The following WWOX variants were observed in gnomAD, a reference collection of about 807,000 sequenced individuals.
The protein encoded by WWOX is WW domain containing oxidoreductase.
In WWOX, 69 loss-of-function variants were observed where a neutral mutation model predicts 46.2. That is an observed-to-expected ratio of 1.49 (90% confidence interval 1.23 to 1.82). The LOEUF (loss-of-function observed/expected upper bound fraction) is 1.82, where lower values mean the gene tolerates loss of function less well. Among genes scored for constraint, WWOX ranks in the 40% most tolerant of loss-of-function variants. WWOX has a pLI of 0.00. For missense variants in WWOX, 919 were observed against 542.6 expected, an observed-to-expected ratio of 1.69 and a Z score of -6.89; for synonymous variants, 359 against 202.6, an observed-to-expected ratio of 1.77 and a Z score of -6.56.
At chr16:79,011,608 T>G (rs1432415852) in intron 8 of WWOX, among the ~76,000 whole-genome samples, 1 of 151,490 alleles carries the variant, frequency 6.6e-6, no homozygotes, top group African/African-American at 2.4e-5. Flanking sequence ...TCCTCCCACT[T>G]CAGCCTCCCA....
In WWOX at chr16:78,400,094, C is replaced by T. The variant is rs573392525; in HGVS notation, c.605+13146C>T. ...ACCTTGTCATTCAGAAAAACATAAACGGGACCTCTCAATTAGCGGTAAAGT... is the reference window on the plus strand; with the variant it reads ...ACCTTGTCATTCAGAAAAACATAAATGGGACCTCTCAATTAGCGGTAAAGT... On this transcript the variant is annotated intron_variant, in intron 6 of 8. Transcript: ENST00000566780. Among the ~76,000 whole-genome samples, 8 of 152,228 alleles carry T rather than the reference C, an allele frequency of 5.3e-5. No homozygotes were observed. The South Asian group carries it at 6.2e-4, about 12-fold the overall frequency.
At chr16:78,573,956 C>A (rs531677041) in intron 8 of WWOX, among the ~76,000 whole-genome samples, 23 of 152,310 alleles carry the variant, frequency 1.5e-4, no homozygotes, top group Admixed American at 8.5e-4. Flanking sequence ...CACAAAGTTG[C>A]AATCATATAT....
intron 8 of WWOX, among the ~76,000 whole-genome samples, chr16:78,749,520 A>T (rs1481690453): frequency 6.6e-6 from 1 of 152,140 alleles, no homozygotes. Flanking sequence ...TGTTGTTGTT[A>T]CAATTGTTGT....
At position 78,099,891 on chromosome 16, in the gene WWOX, G is replaced by A. The variant is rs1276657647; in HGVS notation, c.107+6G>A. 6.4e-6 allele frequency: 10 copies of A among 1,559,142 alleles called. No homozygotes were observed. The highest frequency in any genetic ancestry group is 8.7e-6 in the Non-Finnish European group (10 of 1,152,558). On this transcript the variant is annotated splice_donor_region_variant and intron_variant, in intron 1 of 8. Transcript: ENST00000566780. ...GGCTGGGTTTACTACGCCAAGTAAG[G>A]GGGCCGCAGTGGGGCCGCGGACGCA...
rs1412049293 is a variant in WWOX, at chr16:78,411,321, G to A, written c.606-13549G>A. 2.6e-5 allele frequency among the ~76,000 whole-genome samples: 4 copies of A among 152,076 alleles called. No individual in the cohort carries two copies. The East Asian group carries it at 7.7e-4, about 29-fold the overall frequency. On this transcript the variant is annotated intron_variant, in intron 6 of 8. Coordinates refer to ENST00000566780, the MANE Select transcript of WWOX (RefSeq NM_016373.4). Reference sequence around the variant, plus strand: ...TTAATGTTGAGTAATATGCCATTGTGTGTTTATATATTGCTAATGGATTTT... The same window carrying A: ...TTAATGTTGAGTAATATGCCATTGTATGTTTATATATTGCTAATGGATTTT...
rs188752440 is a variant in WWOX, at chr16:79,153,689, T to G, written c.1057-57919T>G. Among the ~76,000 whole-genome samples the G allele has an allele frequency of 6.1e-4, 93 of 152,302 alleles. 1 individual carries two copies. The highest frequency in any genetic ancestry group is 2.1e-3 in the African/African-American group (89 of 41,568). ...AAGGCCTTAATCTCATTGTACATAC[T>G]TTTCTATTCCTCCCAGTACCATTTA... is the stretch of plus-strand genomic sequence containing the variant. On this transcript the variant is annotated intron_variant, in intron 8 of 8. Coordinates refer to ENST00000566780, the MANE Select transcript of WWOX (RefSeq NM_016373.4).
chr16:78,523,814 C>G (rs1277416182), intron 8 of WWOX, among the ~76,000 whole-genome samples: 1 of 152,208 alleles, frequency 6.6e-6, no homozygotes, highest in African/African-American at 2.4e-5. Context: ...CTCACACACT[C>G]CCTTTAGGAG....
At chr16:78,445,062 G>A (rs1461774397) in intron 8 of WWOX, among the ~76,000 whole-genome samples, 1 of 151,912 alleles carries the variant, frequency 6.6e-6, no homozygotes, top group Non-Finnish European at 1.5e-5. Flanking sequence ...ATCGTGTAGT[G>A]AGCCAGGTGA....
chr16:78,529,414 T>G (rs2043564321), intron 8 of WWOX, among the ~76,000 whole-genome samples: 1 of 152,154 alleles, frequency 6.6e-6, no homozygotes, highest in Non-Finnish European at 1.5e-5. Flanking sequence ...GTTGGTGGTT[T>G]TCTTTCTGTC....
chr16:78,318,860 C>T (rs11866209), intron 5 of WWOX, among the ~76,000 whole-genome samples: 9,182 of 152,238 alleles, frequency 0.06, 465 homozygotes, highest in South Asian at 0.18. Flanking sequence ...AACCAGGAAA[C>T]ATGCCTGGGT....
intron 8 of WWOX, among the ~76,000 whole-genome samples, chr16:78,800,147 T>C (rs974735525): frequency 1.1e-4 from 16 of 152,056 alleles, no homozygotes; most frequent in African/African-American, 3.4e-4. Context: ...GGTTAGAATA[T>C]CTTCAATGCA....
At chr16:78,686,467 T>G (rs991091800) in intron 8 of WWOX, among the ~76,000 whole-genome samples, 1 of 151,026 alleles carries the variant, frequency 6.6e-6, no homozygotes. Context: ...GCAGAGATGG[T>G]GCCACTGTAC....
intron 8 of WWOX, among the ~76,000 whole-genome samples, chr16:78,678,752 G>T (rs1028388626): frequency 2.1e-4 from 32 of 152,136 alleles, no homozygotes; most frequent in African/African-American, 7.7e-4. Flanking sequence ...ATAGGAAACT[G>T]ACCTTTTTTC....
At chr16:78,669,735 T>G (rs2142198824) in intron 8 of WWOX, among the ~76,000 whole-genome samples, 1 of 152,354 alleles carries the variant, frequency 6.6e-6, no homozygotes, top group South Asian at 2.1e-4. Flanking sequence ...CTTTCATCCC[T>G]TCAATATGTG....
chr16:78,768,485 C>T (rs1438992905), intron 8 of WWOX, among the ~76,000 whole-genome samples: 1 of 151,424 alleles, frequency 6.6e-6, no homozygotes, highest in African/African-American at 2.4e-5. Context: ...AGCTACTCAC[C>T]AGGCTGAGAG....
At chr16:78,894,314 T>C (rs2044654807) in intron 8 of WWOX, among the ~76,000 whole-genome samples, 1 of 152,092 alleles carries the variant, frequency 6.6e-6, no homozygotes, top group Non-Finnish European at 1.5e-5. Flanking sequence ...GGGAATATTT[T>C]AGACTCAAGC....
intron 8 of WWOX, among the ~76,000 whole-genome samples, chr16:78,888,474 A>G (rs1034224764): frequency 6.6e-6 from 1 of 152,142 alleles, no homozygotes; most frequent in African/African-American, 2.4e-5. Context: ...ACTAGGTGCT[A>G]TTAGCTGGTG....
chr16:78,378,386 T>G (rs568404084), intron 5 of WWOX, among the ~76,000 whole-genome samples: 1 of 152,142 alleles, frequency 6.6e-6, no homozygotes, highest in Non-Finnish European at 1.5e-5. Context: ...TGGTGCTGTT[T>G]CAGGTTTGAC....
At chr16:79,093,413 A>C (rs951313376) in intron 8 of WWOX, among the ~76,000 whole-genome samples, 1 of 152,206 alleles carries the variant, frequency 6.6e-6, no homozygotes, top group African/African-American at 2.4e-5. Flanking sequence ...TCAGTGGCTT[A>C]TTGTGACCCA....
Sources: gnomAD v4.1 joint callset for allele counts (sites outside exome capture counted in the v4.1 genomes callset) on GRCh38, gnomAD v4.1.1 for gene constraint, MANE v1.5 for transcripts, NCBI Gene and HGNC (gene_info 2026-07-23, HGNC 2026-07-21) for gene names.